The following IKBKE variants were observed in gnomAD, a reference collection of about 807,000 sequenced individuals.
IKBKE encodes the protein inhibitor of nuclear factor kappa B kinase subunit epsilon, also known as inhibitor of nuclear factor kappa-B kinase subunit epsilon.
IKBKE carries 45 observed loss-of-function variants against 92.1 expected under a neutral mutation model. The observed-to-expected ratio is 0.49, with a 90% CI of 0.38 to 0.63. The LOEUF is 0.63. Among genes scored for constraint, IKBKE ranks in the 20% least tolerant of loss-of-function variants. The pLI is 0.00. For missense variants in IKBKE, 700 were observed against 932.8 expected (o/e 0.75, Z 3.25); for synonymous variants, 374 against 380.3 (o/e 0.98, Z 0.19).
chr1:206,473,361 C>A (rs372350695), intron 3 of IKBKE, 47 bp downstream of exon 3: 11 of 1,403,208 alleles, frequency 7.8e-6, no homozygotes, highest in African/African-American at 4.3e-5. Context: ...GCCTTGGCCC[C>A]CTCATGCCTC....
chr1:206,480,193 G>A (rs1254155322), intron 12 of IKBKE, 80 bp downstream of exon 12: 4 of 513,722 alleles, frequency 7.8e-6, no homozygotes, highest in Non-Finnish European at 1.3e-5. Context: ...TGGGCAGGAA[G>A]GGGAGATGGG....
rs782287250 is a variant in IKBKE, at chr1:206,476,197, C to T, written c.375C>T (p.His125=). Residue 125 remains histidine, a synonymous_variant, in exon 6 of 22, where the codon CAC becomes CAT. Transcript: ENST00000581977. The surrounding 1 kb of genome is among the most constrained non-coding windows in gnomAD (Gnocchi z 5.1). ...VLRCVVAGMN[H]LRENGIVHRD... is the part of the protein sequence containing the mutation. ...TGTCCCCAGTGGCCGGCATGAACCA[C>T]CTGCGGGAGAACGGCATTGTGCATC... 1.4e-5 allele frequency: 22 copies of T among 1,614,012 alleles called. No homozygotes were observed. Among genetic ancestry groups the T allele is most frequent in the Non-Finnish European group, 1.8e-5 (21 of 1,180,042 alleles).
rs1276617509 is a variant in IKBKE at position 206,487,339 on chromosome 1, T to TC, written c.1617-571dup. 3.9e-5 allele frequency among the ~76,000 whole-genome samples: 6 copies of TC among 152,244 alleles called. No individual in the cohort carries two copies. The highest frequency in any genetic ancestry group is 9.6e-5 in the African/African-American group (4 of 41,462). On this transcript the variant is annotated intron_variant, in intron 15 of 21. Coordinates refer to ENST00000581977, the MANE Select transcript of IKBKE (RefSeq NM_014002.4). The surrounding 1 kb of genome is among the most constrained non-coding windows in gnomAD (Gnocchi z 5.3). The stretch of plus-strand genomic sequence containing the variant: ...ACAAGAAAGTCCTCGGGAGATCATC[T>TC]CCCCAGTTCCTCCGCCTCCGGGCAG...
chr1:206,494,057 G>A, intron 21 of IKBKE, 66 bp downstream of exon 21: 1 of 1,384,382 alleles, frequency 7.2e-7, no homozygotes, highest in Non-Finnish European at 1.0e-6. Flanking sequence ...TGGGGGTGGT[G>A]AAGAGTCCCC....
At chr1:206,477,724 G>A (rs939559519) in intron 7 of IKBKE, 25 bp from the exon 8 acceptor site, 13 of 1,437,174 alleles carry the variant, frequency 9.0e-6, no homozygotes, top group South Asian at 3.7e-5. Flanking sequence ...TGGGGATCCC[G>A]CTGACCTGGC....
chr1:206,476,608 G>A lies in IKBKE; in HGVS notation c.541-70G>A. 6.4e-7 allele frequency: 1 copy of A among 1,563,406 alleles called. No homozygotes were observed. The highest frequency in any genetic ancestry group is 8.8e-7 in the Non-Finnish European group (1 of 1,140,462). On this transcript the variant is annotated intron_variant, in intron 6 of 21. Transcript: ENST00000581977. The surrounding 1 kb of genome is among the most constrained non-coding windows in gnomAD (Gnocchi z 5.1). ...TGTTTTCACCTGCAGGCGGTGAAAG[G>A]GGGTCTGACAGGTCTCAGGCCCTTG...
At chr1:206,472,595 A>T (rs1011988527) in intron 2 of IKBKE, among the ~76,000 whole-genome samples, 13 of 151,746 alleles carry the variant, frequency 8.6e-5, no homozygotes, top group African/African-American at 2.9e-4. Flanking sequence ...TCTCACACAC[A>T]CACACACACA....
Position 206,485,084 on chromosome 1 carries a change from T to G in IKBKE, c.1503+12T>G. 6.2e-7 allele frequency: 1 copy of G among 1,612,796 alleles called. No homozygotes were observed. Among genetic ancestry groups the G allele is most frequent in the Non-Finnish European group, 8.5e-7 (1 of 1,178,766 alleles). The stretch of plus-strand genomic sequence containing the variant: ...CCAGGCTGCGGACTGTGAGTGAGGC[T>G]GGAGGGCAAGGGCTTAGCAGGATCA... On this transcript the variant is annotated intron_variant, in intron 14 of 21. Transcript: ENST00000581977. This position sits in a 1 kb window ranked among gnomAD's most constrained non-coding sequence, Gnocchi z 5.0.
At chr1:206,481,748 C>A (rs1240790217) in intron 13 of IKBKE, among the ~76,000 whole-genome samples, 1 of 139,430 alleles carries the variant, frequency 7.2e-6, no homozygotes, top group East Asian at 2.2e-4. Context: ...ACCACGGAGG[C>A]CTTCCTGAAG....
rs943973488 is a variant in IKBKE at position 206,487,175 on chromosome 1, G to A, written c.1617-739G>A. 1.3e-5 allele frequency among the ~76,000 whole-genome samples: 2 copies of A among 152,236 alleles called. No individual in the cohort carries two copies. The highest frequency in any genetic ancestry group is 2.9e-5 in the Non-Finnish European group (2 of 68,048). On this transcript the variant is annotated intron_variant, in intron 15 of 21. Coordinates refer to ENST00000581977, the MANE Select transcript of IKBKE (RefSeq NM_014002.4). This position sits in a 1 kb window ranked among gnomAD's most constrained non-coding sequence, Gnocchi z 5.3. Reference sequence around the variant, plus strand: ...AGCAGAGATGGGGTCACTTGGAGGTGCTGCAGGGAGGAAGTGGAGCTACAT... The same window carrying A: ...AGCAGAGATGGGGTCACTTGGAGGTACTGCAGGGAGGAAGTGGAGCTACAT...
chr1:206,476,166 C>T lies in IKBKE; in HGVS notation c.359-15C>T. ...CCGACCAGAGCCAGCTAGTGGCCTCCCCGTCTGTCCCCAGTGGCCGGCATG... is the reference window on the plus strand; with the variant it reads ...CCGACCAGAGCCAGCTAGTGGCCTCTCCGTCTGTCCCCAGTGGCCGGCATG... On this transcript the variant is annotated splice_polypyrimidine_tract_variant and intron_variant, in intron 5 of 21. Coordinates refer to ENST00000581977, the MANE Select transcript of IKBKE (RefSeq NM_014002.4). This position sits in a 1 kb window ranked among gnomAD's most constrained non-coding sequence, Gnocchi z 5.1. 2 of 1,613,652 alleles carry T rather than the reference C, an allele frequency of 1.2e-6. No individual in the cohort carries two copies. Among genetic ancestry groups the T allele is most frequent in the Non-Finnish European group, 1.7e-6 (2 of 1,179,920 alleles).
chr1:206,479,146 AC>A lies in IKBKE; in HGVS notation c.1183+15del. The A allele has an allele frequency of 2.6e-6, 4 of 1,565,242 alleles. No individual in the cohort carries two copies. The highest frequency in any genetic ancestry group is 3.5e-6 in the Non-Finnish European group (4 of 1,155,608). On this transcript the variant is annotated intron_variant, in intron 10 of 21. Transcript: ENST00000581977. The stretch of plus-strand genomic sequence containing the variant: ...GCCTTCAGGGACCGTGAGTAGAGCC[AC>A]CTGGGCTGGATCTTTCTCCTCCCCA...
intron 13 of IKBKE, among the ~76,000 whole-genome samples, chr1:206,482,005 T>A (rs1247054411): frequency 6.6e-6 from 1 of 151,848 alleles, no homozygotes; most frequent in Admixed American, 6.6e-5. Flanking sequence ...GGTCTCGATC[T>A]CCTGACCTCG....
At chr1:206,482,213 G>A (rs1416367358) in intron 13 of IKBKE, among the ~76,000 whole-genome samples, 1 of 152,202 alleles carries the variant, frequency 6.6e-6, no homozygotes, top group South Asian at 2.1e-4. Flanking sequence ...CCACAGTCAT[G>A]ATGGCAGATA....
At position 206,479,081 on chromosome 1, in the gene IKBKE, C is replaced by T. The variant is rs2103461283; in HGVS notation, c.1131C>T (p.Ser377=). 6.2e-7 allele frequency: 1 copy of T among 1,613,332 alleles called. No homozygotes were observed. Among genetic ancestry groups the T allele is most frequent in the Non-Finnish European group, 8.5e-7 (1 of 1,179,806 alleles). Residue 377 remains serine, a synonymous_variant, in exon 10 of 22, where the codon AGC becomes AGT. Transcript: ENST00000581977. ...AQHIAHTTAS[S]PLTLFSTAIP... Reference sequence around the variant, plus strand: ...ACATCGCCCACACGACGGCAAGCAGCCCCCTGACCCTCTTCAGCACAGCCA... The same window carrying T: ...ACATCGCCCACACGACGGCAAGCAGTCCCCTGACCCTCTTCAGCACAGCCA...
Position 206,493,057 on chromosome 1 carries a change from GT to G in IKBKE, c.1872del (p.Gly625AlafsTer44). The G allele has an allele frequency of 6.3e-7, 1 of 1,586,544 alleles. No individual in the cohort carries two copies. Among genetic ancestry groups the G allele is most frequent in the Non-Finnish European group, 8.6e-7 (1 of 1,166,166 alleles). On this transcript the variant is annotated frameshift_variant, in exon 19 of 22. Coordinates refer to ENST00000581977, the MANE Select transcript of IKBKE (RefSeq NM_014002.4). LOFTEE classifies it high-confidence loss of function. ...CGAGACCAGGAACCACCTGCGCCTGGTTGGCTGTTCTGTGGCTGCCTGTAAC... is the reference window on the plus strand; with the variant it reads ...CGAGACCAGGAACCACCTGCGCCTGGTGGCTGTTCTGTGGCTGCCTGTAAC... ...VHETRNHLRL[V>X]GCSVAACNTE...
intron 16 of IKBKE, among the ~76,000 whole-genome samples, chr1:206,488,288 T>C (rs1361017400): frequency 1.3e-5 from 2 of 152,250 alleles, no homozygotes; most frequent in African/African-American, 4.8e-5. Context: ...GGCCGGGACC[T>C]GGGTGCTGTA....
rs1465299746 is a variant in IKBKE, at chr1:206,476,069, A to T, written c.359-112A>T. Reference sequence around the variant, plus strand: ...GCCTGTCCCATGGCTCTGTCAGCCCATGGGAACTCCTGTCTCTCTGGATGC... The same window carrying T: ...GCCTGTCCCATGGCTCTGTCAGCCCTTGGGAACTCCTGTCTCTCTGGATGC... On this transcript the variant is annotated intron_variant, in intron 5 of 21. Transcript: ENST00000581977. This position sits in a 1 kb window ranked among gnomAD's most constrained non-coding sequence, Gnocchi z 5.1. 2 of 994,300 alleles carry T rather than the reference A, an allele frequency of 2.0e-6. No individual in the cohort carries two copies. Among genetic ancestry groups the T allele is most frequent in the Non-Finnish European group, 3.1e-6 (2 of 652,618 alleles). The allele number at this position is 994,300 out of a possible 1,614,324, so 61.6% of individuals were successfully genotyped here. A position where few individuals can be genotyped will look rare whatever the true frequency, so the allele number is the denominator to read the frequency against.
At chr1:206,493,184 C>A in intron 19 of IKBKE, 65 bp downstream of exon 19, 1 of 1,554,512 alleles carries the variant, frequency 6.4e-7, no homozygotes, top group Non-Finnish European at 8.8e-7. Flanking sequence ...TTACCCATGT[C>A]TTCCCCTCCT....
Sources: allele counts gnomAD v4.1 joint callset (sites outside exome capture counted in the v4.1 genomes callset), GRCh38; gene constraint gnomAD v4.1.1; non-coding constraint Gnocchi (gnomAD v3.1); transcripts MANE v1.5; gene names NCBI Gene and HGNC (gene_info 2026-07-23, HGNC 2026-07-21).